Variants in TRMT10B observed in about 807,000 individuals in gnomAD.
The protein encoded by TRMT10B is tRNA methyltransferase 10 homolog B.
Under a neutral mutation model 43.8 loss-of-function variants are expected in TRMT10B, and 33 were observed. The ratio of observed to expected loss-of-function variants is 0.75; its 90% CI spans 0.57 to 1.01. The LOEUF (loss-of-function observed/expected upper bound fraction) is 1.01, where lower values mean the gene tolerates loss of function less well. TRMT10B is among the 50% of genes least tolerant of loss of function. The pLI is 0.00. For missense variants in TRMT10B, 362 were observed against 369.8 expected, an observed-to-expected ratio of 0.98 and a Z score of 0.17; for synonymous variants, 137 against 130.6, an observed-to-expected ratio of 1.05 and a Z score of -0.34.
At chr9:37,761,817 A>G in intron 1 of TRMT10B, 86 bp from the exon 2 acceptor site, 1 of 931,628 alleles carries the variant, frequency 1.1e-6, no homozygotes, top group South Asian at 2.0e-5. Context: ...TTTCAGTAAC[A>G]CAATAACACT....
chr9:37,767,989 C>T, intron 4 of TRMT10B, 87 bp from the exon 5 acceptor site: 7 of 1,493,652 alleles, frequency 4.7e-6, no homozygotes, highest in Non-Finnish European at 5.5e-6. Context: ...GAGTAGCGTT[C>T]AGTGAACTTA....
intron 7 of TRMT10B, among the ~76,000 whole-genome samples, chr9:37,771,096 C>T (rs1181853563): frequency 1.3e-5 from 2 of 152,188 alleles, no homozygotes; most frequent in Admixed American, 6.5e-5. Context: ...TAAGGTTGAT[C>T]TCTCTGCTGA....
upstream of TRMT10B, among the ~76,000 whole-genome samples, chr9:37,753,372 A>G (rs925783839): frequency 8.5e-5 from 13 of 152,280 alleles, no homozygotes; most frequent in African/African-American, 2.9e-4. Context: ...AAGGGATGGG[A>G]TATAATATCA....
intron 3 of TRMT10B, among the ~76,000 whole-genome samples, 153 bp from the exon 4 acceptor site, chr9:37,763,476 C>T (rs1826634617): frequency 6.6e-6 from 1 of 152,242 alleles, no homozygotes; most frequent in Non-Finnish European, 1.5e-5. Context: ...CCATACTCCT[C>T]ACCACTCTGT....
intron 7 of TRMT10B, among the ~76,000 whole-genome samples, chr9:37,774,118 C>A (rs1302230797): frequency 6.6e-6 from 1 of 152,088 alleles, no homozygotes; most frequent in Admixed American, 6.6e-5. Context: ...CAATTGATCC[C>A]CCTACCTCAG....
chr9:37,767,071 A>C (rs1443167761), intron 4 of TRMT10B: 2 of 152,196 alleles, frequency 1.3e-5, no homozygotes, highest in East Asian at 3.8e-4. Context: ...TAGGCCTTAC[A>C]TCACAGTATG....
At chr9:37,769,871 G>C (rs896187180) in intron 5 of TRMT10B, 70 bp from the exon 6 acceptor site, 1 of 1,231,848 alleles carries the variant, frequency 8.1e-7, no homozygotes, top group Non-Finnish European at 1.2e-6. Flanking sequence ...CCAAAGTTCT[G>C]GGATTACAGA....
In TRMT10B at chr9:37,762,081, A is replaced by G; in HGVS notation, c.150A>G (p.Gly50=). Residue 50 remains glycine (G), a synonymous_variant, in exon 2 of 9, where the codon GGA becomes GGG. Transcript: ENST00000297994. The part of the protein sequence containing the change: ...QIDAEGECQE[G]EILATGSTAW... ...ATGCGGAAGGCGAGTGCCAGGAGGG[A>G]GAGATCCTGGCCACAGGCAGTACGG... 1 of 1,614,024 alleles carries G rather than the reference A, an allele frequency of 6.2e-7. No individual in the cohort carries two copies. Among genetic ancestry groups the G allele is most frequent in the Non-Finnish European group, 8.5e-7 (1 of 1,179,986 alleles).
intron 1 of TRMT10B, among the ~76,000 whole-genome samples, chr9:37,756,315 C>T (rs1021475905): frequency 1.3e-5 from 2 of 151,882 alleles, no homozygotes; most frequent in African/African-American, 4.8e-5. Context: ...TTCTGAATGC[C>T]TATATGCAGG....
At chr9:37,755,892 A>ATG (rs58950294) in intron 1 of TRMT10B, among the ~76,000 whole-genome samples, 23,833 of 152,110 alleles carry the variant, frequency 0.16, 1,958 homozygotes, top group South Asian at 0.23. Flanking sequence ...GTTTAGGTAA[A>ATG]TGTAGGTATA....
intron 8 of TRMT10B, 81 bp downstream of exon 8, chr9:37,776,486 C>A: frequency 6.8e-7 from 1 of 1,478,794 alleles, no homozygotes; most frequent in South Asian, 1.5e-5. Flanking sequence ...GCCTTTGAGT[C>A]AGTCTCCTCT....
chr9:37,770,119 C>T (rs1827405444), intron 6 of TRMT10B, 100 bp downstream of exon 6: 3 of 1,012,846 alleles, frequency 3.0e-6, no homozygotes, highest in Non-Finnish European at 4.7e-6. Context: ...GGACACCCCT[C>T]CCCACCCCCA....
At position 37,778,494 on chromosome 9, in the gene TRMT10B, CTT is replaced by C. The variant is rs939058091; in HGVS notation, c.*788_*789del. On this transcript the variant is annotated 3_prime_UTR_variant, in exon 9 of 9. Coordinates refer to ENST00000297994, the MANE Select transcript of TRMT10B (RefSeq NM_144964.4). ...CCAGCCTGGGCGACAGAGCCAGACT[CTT>C]GTCTCGAGGGGAAAAAAAAAAAAAA... 2.6e-5 allele frequency: 4 copies of C among 151,320 alleles called. No individual in the cohort carries two copies. Among genetic ancestry groups the C allele is most frequent in the African/African-American group, 2.4e-5 (1 of 41,058 alleles). The allele number at this position is 151,320 out of a possible 1,614,324, so 9.4% of individuals were successfully genotyped here. A position where few individuals can be genotyped will look rare whatever the true frequency, so the allele number is the denominator to read the frequency against.
chr9:37,753,433 C>T (rs1038058968), upstream of TRMT10B, among the ~76,000 whole-genome samples: 1 of 152,208 alleles, frequency 6.6e-6, no homozygotes, highest in Non-Finnish European at 1.5e-5. Flanking sequence ...ATGGCCATAA[C>T]TAGTTTTTAA....
At chr9:37,775,757 G>A (rs892507915) in intron 7 of TRMT10B, among the ~76,000 whole-genome samples, 5 of 152,044 alleles carry the variant, frequency 3.3e-5, no homozygotes, top group Admixed American at 6.6e-5. Context: ...GGCTGGTCTT[G>A]AACTCCTGGG....
chr9:37,764,196 T>C (rs1826729458), intron 4 of TRMT10B, among the ~76,000 whole-genome samples: 3 of 152,238 alleles, frequency 2.0e-5, no homozygotes, highest in African/African-American at 7.2e-5. Flanking sequence ...TCACCTAGGC[T>C]GGAGTACAAT....
chr9:37,764,315 A>ATTTTTT (rs753115932), intron 4 of TRMT10B, among the ~76,000 whole-genome samples: 3 of 110,584 alleles, frequency 2.7e-5, no homozygotes, highest in African/African-American at 3.6e-5. Context: ...CGCCTGACAA[A>ATTTTTT]TTTTTTTTTT....
intron 7 of TRMT10B, among the ~76,000 whole-genome samples, chr9:37,771,125 C>T (rs1208166273): frequency 6.6e-6 from 1 of 152,190 alleles, no homozygotes; most frequent in Non-Finnish European, 1.5e-5. Flanking sequence ...TAGCCCAAAA[C>T]CTCAAACTCC....
rs1264792272 is a variant in TRMT10B, at chr9:37,770,709, C to T, written c.690C>T (p.Leu230=). 6 of 1,613,848 alleles carry T rather than the reference C, an allele frequency of 3.7e-6. No individual in the cohort carries two copies. The highest frequency in any genetic ancestry group is 4.5e-5 in the East Asian group (2 of 44,892). The change falls in exon 7 of 9, where the codon CTC becomes CTT. Residue 230 remains leucine, a synonymous_variant. Transcript: ENST00000297994. ...EDVDLNKVYI[L]GGLVDESIQK... is the part of the protein sequence containing the mutation. Reference sequence around the variant, plus strand: ...TTGATCTAAACAAAGTTTACATCCTCGGTGGGCTTGTGGATGAAAGCATTC... The same window carrying T: ...TTGATCTAAACAAAGTTTACATCCTTGGTGGGCTTGTGGATGAAAGCATTC...
Sources: gnomAD v4.1 joint callset for allele counts (sites outside exome capture counted in the v4.1 genomes callset) on GRCh38, gnomAD v4.1.1 for gene constraint, MANE v1.5 for transcripts, NCBI Gene and HGNC (gene_info 2026-07-23, HGNC 2026-07-21) for gene names.